CGREF1: variants seen among roughly 807,000 people sequenced by gnomAD.
CGREF1 encodes cell growth regulator with EF-hand domain 1.
CGREF1 carries 16 observed loss-of-function variants against 17.4 expected under a neutral mutation model. The ratio of observed to expected loss-of-function variants is 0.92; its 90% CI spans 0.62 to 1.40. CGREF1 has a LOEUF of 1.40. Among genes scored for constraint, CGREF1 ranks in the 40% most tolerant of loss-of-function variants. The pLI is 0.00. For synonymous variants in CGREF1, 142 were observed against 154.6 expected, an observed-to-expected ratio of 0.92 and a Z score of 0.61; for missense variants, 296 against 376.4, an observed-to-expected ratio of 0.79 and a Z score of 1.77.
Position 27,102,438 on chromosome 2 carries a change from A to G in CGREF1, c.147-8T>C, listed in dbSNP as rs773757961. On this transcript the variant is annotated splice_polypyrimidine_tract_variant and splice_region_variant and intron_variant, in intron 3 of 5. Coordinates refer to ENST00000402394, the MANE Select transcript of CGREF1 (RefSeq NM_006569.6). ...AGGTAGCTCTGCAGAAGTCTGTCAG[A>G]AAAGTGGAGAATCAGCCCGGGAGAG... The G allele has an allele frequency of 6.2e-6, 10 of 1,614,066 alleles. No homozygotes were observed. Among genetic ancestry groups the G allele is most frequent in the South Asian group, 3.3e-5 (3 of 91,078 alleles).
downstream of CGREF1, chr2:27,100,510 T>C (rs1391056482): frequency 2.3e-6 from 3 of 1,290,832 alleles, no homozygotes; most frequent in Non-Finnish European, 3.0e-6. Flanking sequence ...CATATTGGAA[T>C]TGGGGCCAAC....
Position 27,101,901 on chromosome 2 carries a change from A to T in CGREF1, c.343-13T>A. On this transcript the variant is annotated splice_polypyrimidine_tract_variant and intron_variant, in intron 5 of 5. Transcript: ENST00000402394. ...CTATCAAGATCACCTGTGGAAGCAGAGTCACTGTGGGGTCTCCAGGGACAG... is the reference window on the plus strand; with the variant it reads ...CTATCAAGATCACCTGTGGAAGCAGTGTCACTGTGGGGTCTCCAGGGACAG... The T allele has an allele frequency of 6.2e-7, 1 of 1,607,476 alleles. No individual in the cohort carries two copies. Among genetic ancestry groups the T allele is most frequent in the Non-Finnish European group, 8.5e-7 (1 of 1,177,118 alleles).
chr2:27,110,210 C>G (rs1671309915), intron 1 of CGREF1, among the ~76,000 whole-genome samples: 1 of 151,944 alleles, frequency 6.6e-6, no homozygotes, highest in Non-Finnish European at 1.5e-5. Context: ...TGAGACCAGC[C>G]TGGGCAACAC....
intron 1 of CGREF1, among the ~76,000 whole-genome samples, chr2:27,117,968 T>C (rs1671648448): frequency 6.6e-6 from 1 of 152,200 alleles, no homozygotes; most frequent in African/African-American, 2.4e-5. Context: ...TCCGCCCGTC[T>C]CGGCCTCCCA....
intron 3 of CGREF1, 36 bp from the exon 4 acceptor site, chr2:27,102,466 G>A (rs1326837253): frequency 3.1e-6 from 5 of 1,613,204 alleles, no homozygotes; most frequent in African/African-American, 1.3e-5. Context: ...CGGGAGAGGT[G>A]AGTCTGCAGC....
downstream of CGREF1, chr2:27,099,850 G>T (rs1572883914): frequency 6.4e-7 from 1 of 1,554,276 alleles, no homozygotes; most frequent in Non-Finnish European, 8.7e-7. Context: ...CCTGTTCAGG[G>T]GACAGATGCA....
chr2:27,114,753 C>T (rs1671512048), intron 1 of CGREF1, among the ~76,000 whole-genome samples: 1 of 152,078 alleles, frequency 6.6e-6, no homozygotes, highest in Non-Finnish European at 1.5e-5. Context: ...CAAATCTTCC[C>T]AGCCCAACAA....
intron 1 of CGREF1, among the ~76,000 whole-genome samples, chr2:27,118,532 C>A (rs773027469): frequency 6.6e-6 from 1 of 152,184 alleles, no homozygotes. Context: ...GGGGAAAGCT[C>A]CCGCCAGCTG....
At chr2:27,102,489 C>G (rs770475499) in intron 3 of CGREF1, 37 bp downstream of exon 3, 13 of 1,613,760 alleles carry the variant, frequency 8.1e-6, no homozygotes. Flanking sequence ...TGGGCCTGGT[C>G]TTCTCCCTGA....
chr2:27,114,435 C>G (rs1413746763), intron 1 of CGREF1, among the ~76,000 whole-genome samples: 1 of 152,214 alleles, frequency 6.6e-6, no homozygotes, highest in East Asian at 1.9e-4. Context: ...AAAAACCTGT[C>G]TACACATTCT....
chr2:27,115,658 G>A (rs1172053550), intron 1 of CGREF1, among the ~76,000 whole-genome samples: 2 of 152,012 alleles, frequency 1.3e-5, no homozygotes, highest in Non-Finnish European at 2.9e-5. Flanking sequence ...AACCTTCAGT[G>A]GCTCCCTATT....
At chr2:27,109,635 C>T (rs914835691) in intron 1 of CGREF1, among the ~76,000 whole-genome samples, 13 of 152,026 alleles carry the variant, frequency 8.6e-5, no homozygotes, top group Non-Finnish European at 1.2e-4. Context: ...CCTGTAATCC[C>T]AGCACTCTGG....
At chr2:27,118,812 G>A (rs1171841480) in intron 1 of CGREF1, 34 bp downstream of exon 1, 1 of 152,266 alleles carries the variant, frequency 6.6e-6, no homozygotes, top group Non-Finnish European at 1.5e-5. Context: ...GATGGGCTCG[G>A]GTCTCCGGCC....
downstream of CGREF1, chr2:27,100,135 C>A: frequency 1.9e-6 from 1 of 534,536 alleles, no homozygotes; most frequent in Non-Finnish European, 3.4e-6. Context: ...TTGCCACCAG[C>A]TCTGCCCTGG....
At chr2:27,100,438 A>G (rs1280055433), downstream of CGREF1, 5 of 1,291,016 alleles carry the variant, frequency 3.9e-6, no homozygotes, top group Non-Finnish European at 5.1e-6. Flanking sequence ...GGCGTGCCTC[A>G]GCCACAAATG....
At chr2:27,109,999 A>T (rs1021323006) in intron 1 of CGREF1, among the ~76,000 whole-genome samples, 1 of 151,928 alleles carries the variant, frequency 6.6e-6, no homozygotes, top group South Asian at 2.1e-4. Context: ...ATGGAATTTT[A>T]AAAACTGAAC....
rs372753080 is a variant in CGREF1 at position 27,103,506 on chromosome 2, G to C, written c.80+781C>G. Among the ~76,000 whole-genome samples the C allele has an allele frequency of 1.6e-3, 239 of 152,006 alleles. 1 individual carries two copies. The highest frequency in any genetic ancestry group is 5.4e-3 in the African/African-American group (224 of 41,534). On this transcript the variant is annotated intron_variant, in intron 2 of 5. Coordinates refer to ENST00000402394, the MANE Select transcript of CGREF1 (RefSeq NM_006569.6). The stretch of plus-strand genomic sequence containing the variant: ...TCTTGCCTCAGCCTCCTGAGTAGCT[G>C]GGATTACAGGCATGCACCACCATGC...
chr2:27,101,646 T>C lies in CGREF1; in HGVS notation c.585A>G (p.Val195=), dbSNP rs1670859103. The C allele has an allele frequency of 1.2e-6, 2 of 1,614,260 alleles. No individual in the cohort carries two copies. Among genetic ancestry groups the C allele is most frequent in the Non-Finnish European group, 1.7e-6 (2 of 1,180,046 alleles). Reference sequence around the variant, plus strand: ...GATCCAAAGACTCCCTTCTGGCCTCTACCTGGCCCTTTGCTTCTTCTCTGG... The same window carrying C: ...GATCCAAAGACTCCCTTCTGGCCTCCACCTGGCCCTTTGCTTCTTCTCTGG... ...PGPREEAKGQ[V]EARRESLDPV... is the part of the protein sequence containing the mutation. Residue 195 remains valine (V), a synonymous_variant, in exon 6 of 6, where the codon GTA becomes GTG. Coordinates refer to ENST00000402394, the MANE Select transcript of CGREF1 (RefSeq NM_006569.6).
chr2:27,113,139 GTAT>G (rs1403096852), intron 1 of CGREF1, among the ~76,000 whole-genome samples: 1 of 152,162 alleles, frequency 6.6e-6, no homozygotes, highest in Non-Finnish European at 1.5e-5. Context: ...CCAGTTCTTT[GTAT>G]CTAGAGTGCT....
Sources: gnomAD v4.1 joint callset for allele counts (sites outside exome capture counted in the v4.1 genomes callset) on GRCh38, gnomAD v4.1.1 for gene constraint, MANE v1.5 for transcripts, NCBI Gene and HGNC (gene_info 2026-07-23, HGNC 2026-07-21) for gene names.